Variants in CBLC observed in about 807,000 individuals in gnomAD.
The protein encoded by CBLC is E3 ubiquitin-protein ligase CBL-C.
Under a neutral mutation model 58.6 loss-of-function variants are expected in CBLC, and 46 were observed. The ratio of observed to expected loss-of-function variants is 0.79; its 90% CI spans 0.62 to 1.00. CBLC has a LOEUF of 1.00. CBLC is among the 50% of genes least tolerant of loss of function. The probability of loss-of-function intolerance (pLI) is 0.00; values close to 1 mark genes in which losing one functional copy is unlikely to be tolerated. For missense variants in CBLC, 655 were observed against 625.8 expected (o/e 1.05, Z -0.50); for synonymous variants, 271 against 264.2 (o/e 1.03, Z -0.25).
intron 6 of CBLC, among the ~76,000 whole-genome samples, chr19:44,791,817 G>C (rs1193006027): frequency 6.6e-6 from 1 of 151,342 alleles, no homozygotes; most frequent in Non-Finnish European, 1.5e-5. Context: ...TTCAGTTCTG[G>C]CACAGAGGTT....
chr19:44,785,891 C>T (rs1376930359), intron 5 of CBLC, among the ~76,000 whole-genome samples: 2 of 151,754 alleles, frequency 1.3e-5, no homozygotes, highest in Non-Finnish European at 2.9e-5. Context: ...GCTGATATCA[C>T]GCCACTGCAC....
In CBLC at chr19:44,780,947, C is replaced by T. The variant is rs199680893; in HGVS notation, c.396C>T (p.His132=). Residue 132 remains histidine, a synonymous_variant, in exon 2 of 11, where the codon CAC becomes CAT. Transcript: ENST00000647358. ...TGGCCATCATCTTCAGCCACATGCACGCAGAGCTGCACGCACTCTTCCCCG... is the reference window on the plus strand; with the variant it reads ...TGGCCATCATCTTCAGCCACATGCATGCAGAGCTGCACGCACTCTTCCCCG... ...AKLAIIFSHM[H]AELHALFPGG... is the part of the protein sequence containing the mutation. 18 of 1,613,264 alleles carry T rather than the reference C, an allele frequency of 1.1e-5. No homozygotes were observed. Among genetic ancestry groups the T allele is most frequent in the African/African-American group, 4.0e-5 (3 of 74,938 alleles).
chr19:44,794,322 A>T (rs374667364), intron 9 of CBLC, 41 bp downstream of exon 9: 1 of 1,590,174 alleles, frequency 6.3e-7, no homozygotes, highest in Non-Finnish European at 8.6e-7. Context: ...CTGGGGTCTC[A>T]CTCACCTCCA....
In CBLC at chr19:44,792,511, G is replaced by A; in HGVS notation, c.1134G>A (p.Trp378Ter). The stretch of plus-strand genomic sequence containing the variant: ...TCTGCAGCTGCTGCCTGGCTGCCTG[G>A]CAGGTGGGTCTGACCCCTGTGGCGC... ...HLLCSCCLAA[W>*]QHSDSQTCPF... Residue 378 changes from tryptophan (W) to a stop codon, truncating the protein, a stop_gained, in exon 7 of 11, where the codon TGG becomes TGA. Transcript: ENST00000647358. LOFTEE classifies it high-confidence loss of function. 1 of 1,597,580 alleles carries A rather than the reference G, an allele frequency of 6.3e-7. No homozygotes were observed.
chr19:44,792,385 G>T lies in CBLC; in HGVS notation c.1008G>T (p.Glu336Asp), dbSNP rs1166415820. The T allele has an allele frequency of 1.2e-6, 2 of 1,613,286 alleles. No individual in the cohort carries two copies. The highest frequency in any genetic ancestry group is 1.7e-6 in the Non-Finnish European group (2 of 1,179,916). The change falls in exon 7 of 11, where the codon GAG becomes GAT. Residue 336 changes from glutamate to aspartate, a missense_variant and splice_region_variant. By Grantham distance (45) the Glu-to-Asp change is conservative. Around this residue, in one of 3 missense-constraint regions of CBLC, gnomAD observed 371 missense variants for 370.8 expected, o/e 1.00. Transcript: ENST00000647358. ...EPQQRIHVSE[E>D]QLQLYWAMDS... ...TTCTCTATCCTCTCACCTGCCAGGAGCAGCTGCAGCTCTACTGGGCCATGG... is the reference window on the plus strand; with the variant it reads ...TTCTCTATCCTCTCACCTGCCAGGATCAGCTGCAGCTCTACTGGGCCATGG...
intron 9 of CBLC, among the ~76,000 whole-genome samples, chr19:44,795,944 G>A (rs531651268): frequency 7.2e-5 from 11 of 152,228 alleles, no homozygotes; most frequent in African/African-American, 1.4e-4. Flanking sequence ...GGCTGGGCGC[G>A]GTGGCTTATG....
At chr19:44,784,561 C>G (rs1208626172) in intron 5 of CBLC, 160 bp downstream of exon 5, 2 of 710,970 alleles carry the variant, frequency 2.8e-6, no homozygotes, top group Non-Finnish European at 4.3e-6. Context: ...AGGTGGCAGT[C>G]AAAGGTCTTG....
At chr19:44,789,409 CTT>C (rs540906336) in intron 5 of CBLC, among the ~76,000 whole-genome samples, 2 of 145,678 alleles carry the variant, frequency 1.4e-5, no homozygotes. Flanking sequence ...GAGATTTTCC[CTT>C]TTTTTTTTTT....
Position 44,790,044 on chromosome 19 carries a change from A to C in CBLC, c.958A>C (p.Thr320Pro). The change falls in exon 6 of 11, where the codon ACT becomes CCT. Residue 320 changes from threonine to proline, a missense_variant. Physicochemically the swap from Thr to Pro is conservative, Grantham distance 38. This residue lies in a region of CBLC where 371 missense variants were observed against 370.8 expected (regional missense o/e 1.00). Coordinates refer to ENST00000647358, the MANE Select transcript of CBLC (RefSeq NM_012116.4). ...TGGAAAGACCCACAACCCAGACCTG[A>C]CTGAGCTCGGCCAGGCAGAACCCCA... is the stretch of plus-strand genomic sequence containing the variant. ...PDGKTHNPDL[T>P]ELGQAEPQQR... is the part of the protein sequence containing the mutation. 6.2e-7 allele frequency: 1 copy of C among 1,613,688 alleles called. No individual in the cohort carries two copies. The highest frequency in any genetic ancestry group is 1.1e-5 in the South Asian group (1 of 91,056).
Position 44,800,446 on chromosome 19 carries a change from GC to G in CBLC, c.*5del. 6.2e-7 allele frequency: 1 copy of G among 1,609,208 alleles called. No individual in the cohort carries two copies. Among genetic ancestry groups the G allele is most frequent in the Non-Finnish European group, 8.5e-7 (1 of 1,175,890 alleles). On this transcript the variant is annotated 3_prime_UTR_variant, in exon 10 of 11. Coordinates refer to ENST00000647358, the MANE Select transcript of CBLC (RefSeq NM_012116.4). ...CCCAGGACCCTGCCCCGGCCTGAAG[GC>G]CAGGTGAGTCCATTCCCTAACCCTC...
chr19:44,787,168 T>G (rs1380783663), intron 5 of CBLC, among the ~76,000 whole-genome samples: 1 of 151,636 alleles, frequency 6.6e-6, no homozygotes, highest in Non-Finnish European at 1.5e-5. Context: ...CTGAGGTGGG[T>G]GGATCACCAG....
intron 9 of CBLC, among the ~76,000 whole-genome samples, chr19:44,798,001 T>G (rs1044592144): frequency 6.6e-6 from 1 of 152,144 alleles, no homozygotes; most frequent in Non-Finnish European, 1.5e-5. Flanking sequence ...GGTTGTGATC[T>G]GTGTATGGTG....
Position 44,800,645 on chromosome 19 carries a change from C to A in CBLC, c.*102C>A, listed in dbSNP as rs917093481. 3.8e-6 allele frequency: 2 copies of A among 532,990 alleles called. No homozygotes were observed. Among genetic ancestry groups the A allele is most frequent in the Admixed American group, 3.3e-5 (1 of 30,100 alleles). The allele number at this position is 532,990 out of a possible 1,614,324, so 33.0% of individuals were successfully genotyped here. Reference sequence around the variant, plus strand: ...CAAGCCTGGTCTGTCCTCCAGGGTGCAAAGGAAGAGTGCAGTGGCCAGCAG... The same window carrying A: ...CAAGCCTGGTCTGTCCTCCAGGGTGAAAAGGAAGAGTGCAGTGGCCAGCAG... On this transcript the variant is annotated 3_prime_UTR_variant, in exon 11 of 11. Transcript: ENST00000647358.
chr19:44,782,320 G>A, intron 3 of CBLC, 50 bp from the exon 4 acceptor site: 3 of 1,610,274 alleles, frequency 1.9e-6, no homozygotes, highest in Non-Finnish European at 2.5e-6. Flanking sequence ...ACTTAGGGAT[G>A]TGAGCTGCTT....
At chr19:44,782,292 C>A in intron 3 of CBLC, 78 bp from the exon 4 acceptor site, 1 of 1,582,366 alleles carries the variant, frequency 6.3e-7, no homozygotes, top group African/African-American at 1.3e-5. Flanking sequence ...GTGGTTGGAT[C>A]CTCGAGCCCT....
chr19:44,781,710 C>G (rs187551896), intron 3 of CBLC, among the ~76,000 whole-genome samples: 47 of 59,678 alleles, frequency 7.9e-4, no homozygotes, highest in Admixed American at 9.1e-4. Flanking sequence ...GGGAGGAGGG[C>G]CTGGGGCCTG....
At chr19:44,788,458 A>C (rs1268229601) in intron 5 of CBLC, among the ~76,000 whole-genome samples, 2 of 132,894 alleles carry the variant, frequency 1.5e-5, no homozygotes, top group Non-Finnish European at 3.3e-5. Context: ...TGTCTTTCTT[A>C]TTTATTTATT....
intron 9 of CBLC, among the ~76,000 whole-genome samples, chr19:44,797,840 A>G (rs1029564143): frequency 6.6e-6 from 1 of 151,970 alleles, no homozygotes; most frequent in Non-Finnish European, 1.5e-5. Flanking sequence ...TTCTGGGCTC[A>G]AGTGATCCTC....
chr19:44,782,130 C>T (rs1391429518), intron 3 of CBLC, among the ~76,000 whole-genome samples: 2 of 146,546 alleles, frequency 1.4e-5, no homozygotes, highest in African/African-American at 5.1e-5. Context: ...GGCCTGGACT[C>T]CAGGGTTTGA....
Sources: gnomAD v4.1 joint callset for allele counts (sites outside exome capture counted in the v4.1 genomes callset) on GRCh38, gnomAD v4.1.1 for gene constraint, gnomAD v4.1.1 regional missense constraint, MANE v1.5 for transcripts, NCBI Gene and HGNC (gene_info 2026-07-23, HGNC 2026-07-21) for gene names.